Variants in SDCCAG8 observed in about 807,000 individuals in gnomAD.
The protein encoded by SDCCAG8 is serologically defined colon cancer antigen 8.
In SDCCAG8, 74 loss-of-function variants were observed where a neutral mutation model predicts 101.8. The ratio of observed to expected loss-of-function variants is 0.73; its 90% CI spans 0.60 to 0.88. The LOEUF (loss-of-function observed/expected upper bound fraction) is 0.88, where lower values mean the gene tolerates loss of function less well. Among genes scored for constraint, SDCCAG8 ranks in the 40% least tolerant of loss-of-function variants. SDCCAG8 has a pLI of 0.00. For missense variants in SDCCAG8, 787 were observed against 822.6 expected (o/e 0.96, Z 0.53); for synonymous variants, 281 against 292.9 (o/e 0.96, Z 0.41).
In SDCCAG8 at chr1:243,468,542, C is replaced by T. The variant is rs570607207; in HGVS notation, c.1986-20472C>T. ...CTGATGTTAAGATTTTAAAATGCGG[C>T]CAGGTGCAATGGCTCATACCTGTAA... On this transcript the variant is annotated intron_variant, in intron 16 of 17. Transcript: ENST00000366541. Among the ~76,000 whole-genome samples the T allele has an allele frequency of 2.6e-5, 4 of 152,276 alleles. No individual in the cohort carries two copies. The East Asian group carries it at 5.8e-4, about 22-fold the overall frequency.
intron 6 of SDCCAG8, among the ~76,000 whole-genome samples, chr1:243,299,065 G>A (rs2484639): frequency 0.45 from 69,046 of 152,028 alleles, 17,336 homozygotes; most frequent in East Asian, 0.74. Flanking sequence ...CCACTTATTT[G>A]AGTCATCTTT....
intron 4 of SDCCAG8, among the ~76,000 whole-genome samples, chr1:243,277,091 G>A (rs369993847): frequency 3.3e-5 from 5 of 152,136 alleles, no homozygotes; most frequent in African/African-American, 1.2e-4. Context: ...TGGCAATTGC[G>A]AATAAAGCTA....
At chr1:243,487,098 ATC>A (rs1186584523) in intron 16 of SDCCAG8, among the ~76,000 whole-genome samples, 2 of 152,188 alleles carry the variant, frequency 1.3e-5, no homozygotes, top group African/African-American at 4.8e-5. Context: ...AGCTGTTACC[ATC>A]TCTGTCTCTT....
intron 16 of SDCCAG8, among the ~76,000 whole-genome samples, chr1:243,434,721 T>A (rs2082023218): frequency 6.6e-6 from 1 of 152,218 alleles, no homozygotes; most frequent in African/African-American, 2.4e-5. Flanking sequence ...CTGTGAGGAC[T>A]GGAAGTCACG....
chr1:243,343,465 T>A (rs1299297749), intron 11 of SDCCAG8, among the ~76,000 whole-genome samples: 1 of 152,264 alleles, frequency 6.6e-6, no homozygotes, highest in East Asian at 1.9e-4. Context: ...AACAAAGTTC[T>A]TAGTGTTAAG....
intron 8 of SDCCAG8, among the ~76,000 whole-genome samples, chr1:243,315,730 T>TA (rs889736838): frequency 4.0e-5 from 6 of 151,762 alleles, no homozygotes; most frequent in African/African-American, 7.2e-5. Context: ...ACTTGCTAAT[T>TA]AAAAAAAAAT....
At chr1:243,470,182 C>T (rs1469460981) in intron 16 of SDCCAG8, among the ~76,000 whole-genome samples, 1 of 152,196 alleles carries the variant, frequency 6.6e-6, no homozygotes, top group Non-Finnish European at 1.5e-5. Flanking sequence ...CCCATGTGTG[C>T]AGTGCCTTCT....
chr1:243,263,782 C>CTACATAG (rs1460062541), intron 1 of SDCCAG8, among the ~76,000 whole-genome samples: 2 of 152,196 alleles, frequency 1.3e-5, no homozygotes, highest in East Asian at 3.8e-4. Context: ...AAAAAGTATT[C>CTACATAG]TACATAGTAC....
chr1:243,296,265 G>T (rs1050496402), intron 6 of SDCCAG8, among the ~76,000 whole-genome samples: 5 of 152,052 alleles, frequency 3.3e-5, no homozygotes, highest in Non-Finnish European at 7.4e-5. Context: ...CAAACTGCTG[G>T]GATTACATGT....
At chr1:243,374,879 C>T (rs1431983001) in intron 12 of SDCCAG8, among the ~76,000 whole-genome samples, 2 of 151,596 alleles carry the variant, frequency 1.3e-5, no homozygotes, top group Non-Finnish European at 2.9e-5. Context: ...CTAATATGTT[C>T]ATTTAAAAAA....
intron 16 of SDCCAG8, among the ~76,000 whole-genome samples, chr1:243,428,354 G>C (rs1347287408): frequency 6.6e-6 from 1 of 152,216 alleles, no homozygotes; most frequent in Non-Finnish European, 1.5e-5. Flanking sequence ...AGTAGATATA[G>C]TTCCCACTCT....
chr1:243,312,493 G>C (rs2149325659), intron 8 of SDCCAG8, among the ~76,000 whole-genome samples: 1 of 152,252 alleles, frequency 6.6e-6, no homozygotes, highest in South Asian at 2.1e-4. Flanking sequence ...GATCAGTTGA[G>C]ATCAGGAGTT....
rs2072623749 is a variant in SDCCAG8 at position 243,310,571 on chromosome 1, T to G, written c.929+2394T>G. ...TTAGAAATAAATATAAAAAATATCT[T>G]ATAATTGTGGGTTATAGTCCTAAGG... On this transcript the variant is annotated intron_variant, in intron 8 of 17. Coordinates refer to ENST00000366541, the MANE Select transcript of SDCCAG8 (RefSeq NM_006642.5). Among the ~76,000 whole-genome samples the G allele has an allele frequency of 1.3e-5, 2 of 152,246 alleles. 1 individual carries two copies. The highest frequency in any genetic ancestry group is 4.1e-4 in the South Asian group (2 of 4,824).
rs185258392 is a variant in SDCCAG8, at chr1:243,475,911, G to A, written c.1986-13103G>A. ...CCCAAATATTAAAAATTGACTCCGC[G>A]TATTCCTTCTCCCCCACAGTGGCAC... On this transcript the variant is annotated intron_variant, in intron 16 of 17. Transcript: ENST00000366541. The A allele has an allele frequency of 9.1e-5, 90 of 984,536 alleles. No homozygotes were observed. In the East Asian group the frequency reaches 3.9e-3, roughly 42 times the overall value. The allele number at this position is 984,536 out of a possible 1,614,324, so 61.0% of individuals were successfully genotyped here.
intron 16 of SDCCAG8, among the ~76,000 whole-genome samples, chr1:243,454,550 G>A (rs768635141): frequency 2.0e-5 from 3 of 152,148 alleles, no homozygotes; most frequent in Non-Finnish European, 4.4e-5. Context: ...GAACAAGCAC[G>A]AGTAAGGGAA....
At chr1:243,453,037 A>C (rs1289369719) in intron 16 of SDCCAG8, among the ~76,000 whole-genome samples, 2 of 152,228 alleles carry the variant, frequency 1.3e-5, no homozygotes, top group African/African-American at 4.8e-5. Flanking sequence ...CATAGTAGGC[A>C]CTCAAAAAGT....
intron 10 of SDCCAG8, among the ~76,000 whole-genome samples, chr1:243,336,267 C>T: frequency 6.6e-6 from 1 of 152,150 alleles, no homozygotes; most frequent in East Asian, 1.9e-4. Context: ...CAGAAGTGTC[C>T]TTTTCTCTGC....
chr1:243,434,790 AGCTTT>A (rs1471922611), intron 16 of SDCCAG8, among the ~76,000 whole-genome samples: 5 of 152,112 alleles, frequency 3.3e-5, no homozygotes, highest in Admixed American at 6.6e-5. Context: ...ATAAGTTGGG[AGCTTT>A]GCCACTCTGT....
chr1:243,377,080 C>CT (rs2077641776), intron 12 of SDCCAG8, among the ~76,000 whole-genome samples: 1 of 152,012 alleles, frequency 6.6e-6, no homozygotes, highest in South Asian at 2.1e-4. Flanking sequence ...TTTTTATATG[C>CT]TTTGCATTTT....
Sources: gnomAD v4.1 joint callset for allele counts (sites outside exome capture counted in the v4.1 genomes callset) on GRCh38, gnomAD v4.1.1 for gene constraint, MANE v1.5 for transcripts, NCBI Gene and HGNC (gene_info 2026-07-23, HGNC 2026-07-21) for gene names.